VIT: variants seen among roughly 807,000 people sequenced by gnomAD.
VIT encodes vitrin.
In VIT, 99 loss-of-function variants were observed where a neutral mutation model predicts 78.0. The ratio of observed to expected loss-of-function variants is 1.27; its 90% CI spans 1.08 to 1.50. VIT has a LOEUF of 1.50. Among genes scored for constraint, VIT ranks in the 40% most tolerant of loss-of-function variants. The pLI is 0.00. For missense variants in VIT, 1,126 were observed against 875.3 expected (o/e 1.29, Z -3.61); for synonymous variants, 374 against 334.3 (o/e 1.12, Z -1.29).
At chr2:36,805,309 A>AAAAG in intron 13 of VIT, 129 bp from the exon 14 acceptor site, 1 of 389,938 alleles carries the variant, frequency 2.6e-6, no homozygotes, top group African/African-American at 7.0e-5. Flanking sequence ...GTCTCAAAGG[A>AAAAG]AAAAAAAAAA....
chr2:36,763,826 T>C (rs2148576192), intron 6 of VIT, among the ~76,000 whole-genome samples: 1 of 152,214 alleles, frequency 6.6e-6, no homozygotes, highest in African/African-American at 2.4e-5. Context: ...TGACCTCAAG[T>C]GATCCACCCA....
At chr2:36,697,873 G>C (rs769180992) in intron 1 of VIT, among the ~76,000 whole-genome samples, 1 of 152,222 alleles carries the variant, frequency 6.6e-6, no homozygotes, top group Non-Finnish European at 1.5e-5. Context: ...TAAGAAAATA[G>C]TATTTTGCCG....
rs1056968158 is a variant in VIT at position 36,748,843 on chromosome 2, T to C, written c.275+5587T>C. Among the ~76,000 whole-genome samples the C allele has an allele frequency of 2.0e-5, 3 of 152,240 alleles. No individual in the cohort carries two copies. The South Asian group carries it at 6.2e-4, about 32-fold the overall frequency. On this transcript the variant is annotated intron_variant, in intron 4 of 15. Transcript: ENST00000379242. ...TTGCCTCTCTATTGACTTTCAGTGT[T>C]TTCTCTCAAAACGTCTGTTCAAAGT...
At chr2:36,765,008 T>C (rs564054993) in intron 6 of VIT, among the ~76,000 whole-genome samples, 55 of 152,018 alleles carry the variant, frequency 3.6e-4, no homozygotes, top group African/African-American at 1.3e-3. Context: ...AGAGCTGGGA[T>C]GCTGTGGTAG....
chr2:36,806,275 T>C (rs1406381970), intron 14 of VIT, among the ~76,000 whole-genome samples: 1 of 152,226 alleles, frequency 6.6e-6, no homozygotes, highest in Non-Finnish European at 1.5e-5. Context: ...AAGCAAGCCT[T>C]GGACAGGTTT....
Position 36,808,808 on chromosome 2 carries a change from G to T in VIT, c.1726G>T (p.Ala576Ser), listed in dbSNP as rs567232203. The T allele has an allele frequency of 5.0e-6, 8 of 1,614,180 alleles. No individual in the cohort carries two copies. In the East Asian group the frequency reaches 1.6e-4, roughly 31 times the overall value. ...KYSSKPDILN[A>S]IKRVGYWSGG... ...CAGCAGCAAGCCTGACATCCTCAACGCCATCAAGAGGGTGGGCTACTGGAG... is the reference window on the plus strand; with the variant it reads ...CAGCAGCAAGCCTGACATCCTCAACTCCATCAAGAGGGTGGGCTACTGGAG... The change falls in exon 15 of 16, where the codon GCC becomes TCC. Residue 576 changes from alanine (A) to serine (S), a missense_variant. Transcript: ENST00000379242.
intron 9 of VIT, among the ~76,000 whole-genome samples, chr2:36,778,634 C>A (rs185965789): frequency 6.6e-6 from 1 of 152,204 alleles, no homozygotes; most frequent in Admixed American, 6.5e-5. Flanking sequence ...TGATGGCTTA[C>A]GCCCAGGACC....
intron 12 of VIT, among the ~76,000 whole-genome samples, chr2:36,797,245 C>A (rs1225561305): frequency 1.3e-5 from 2 of 152,086 alleles, no homozygotes; most frequent in African/African-American, 2.4e-5. Flanking sequence ...CACAATTAGA[C>A]GTCTTGGAAG....
chr2:36,731,305 C>G (rs187891333), intron 3 of VIT, among the ~76,000 whole-genome samples: 200 of 152,168 alleles, frequency 1.3e-3, no homozygotes, highest in African/African-American at 4.7e-3. Context: ...GATGGAGTCT[C>G]ACTCTGTCGC....
rs575275800 is a variant in VIT at position 36,704,067 on chromosome 2, A to G, written c.-19+7094A>G. Among the ~76,000 whole-genome samples the G allele has an allele frequency of 2.7e-3, 415 of 152,026 alleles. 3 individuals are homozygous for G. Among genetic ancestry groups the G allele is most frequent in the South Asian group, 4.8e-3 (23 of 4,810 alleles). ...CAGCCTCAGGAGTAGCTGGGATTAC[A>G]GGTGCACGCCACCATGCCTGGCTAA... On this transcript the variant is annotated intron_variant, in intron 1 of 15. Transcript: ENST00000379242.
Position 36,708,117 on chromosome 2 carries a change from C to T in VIT, c.-18-8236C>T, listed in dbSNP as rs376609226. On this transcript the variant is annotated intron_variant, in intron 1 of 15. Transcript: ENST00000379242. ...ACCACATTGTAAAGGACCTCCCCCCCCCGCCCACCTAGTGCCAGCTTCCTT... is the reference window on the plus strand; with the variant it reads ...ACCACATTGTAAAGGACCTCCCCCCTCCGCCCACCTAGTGCCAGCTTCCTT... 6.8e-3 allele frequency among the ~76,000 whole-genome samples: 1,010 copies of T among 148,530 alleles called. 10 individuals carry two copies. Among genetic ancestry groups the T allele is most frequent in the African/African-American group, 0.022 (855 of 39,536 alleles).
intron 1 of VIT, among the ~76,000 whole-genome samples, chr2:36,707,356 C>G (rs982285282): frequency 6.6e-6 from 1 of 151,916 alleles, no homozygotes; most frequent in African/African-American, 2.4e-5. Context: ...AGCCAGCAGA[C>G]CCCCAACAAC....
At chr2:36,705,116 G>C (rs1665330795) in intron 1 of VIT, among the ~76,000 whole-genome samples, 1 of 152,194 alleles carries the variant, frequency 6.6e-6, no homozygotes, top group Admixed American at 6.5e-5. Flanking sequence ...TTTGTGATGA[G>C]AGAAACTCAT....
Position 36,795,504 on chromosome 2 carries a change from C to T in VIT, c.1059-5797C>T, listed in dbSNP as rs185963956. 6.6e-5 allele frequency among the ~76,000 whole-genome samples: 10 copies of T among 152,004 alleles called. No homozygotes were observed. The East Asian group carries it at 1.9e-3, about 29-fold the overall frequency. ...CTCAGCTCACTGCAACCTCCGCCTC[C>T]CGGGTTCAAGCGATTCTCCTGTCTC... On this transcript the variant is annotated intron_variant, in intron 12 of 15. Coordinates refer to ENST00000379242, the MANE Select transcript of VIT (RefSeq NM_053276.4).
intron 4 of VIT, among the ~76,000 whole-genome samples, chr2:36,744,964 C>A (rs1436803017): frequency 6.6e-6 from 1 of 152,102 alleles, no homozygotes; most frequent in African/African-American, 2.4e-5. Context: ...ACATGTAAGT[C>A]TTTAATCCAT....
At chr2:36,724,394 C>T (rs558786236) in intron 2 of VIT, among the ~76,000 whole-genome samples, 40 of 152,302 alleles carry the variant, frequency 2.6e-4, no homozygotes, top group Non-Finnish European at 4.6e-4. Context: ...GACCTGTCTG[C>T]GGCTTTGCAC....
intron 12 of VIT, among the ~76,000 whole-genome samples, chr2:36,792,853 ACTT>A (rs1665601840): frequency 6.6e-6 from 1 of 151,686 alleles, no homozygotes; most frequent in Admixed American, 6.6e-5. Context: ...CCTTCTCTAG[ACTT>A]CTTATTTATT....
chr2:36,741,725 T>C (rs571540916), intron 3 of VIT, among the ~76,000 whole-genome samples: 1 of 152,222 alleles, frequency 6.6e-6, no homozygotes, highest in Non-Finnish European at 1.5e-5. Context: ...GAGGTTTTAT[T>C]CTACTCCTCA....
intron 15 of VIT, among the ~76,000 whole-genome samples, chr2:36,813,746 A>G (rs1021565766): frequency 1.3e-5 from 2 of 152,030 alleles, no homozygotes; most frequent in African/African-American, 4.8e-5. Flanking sequence ...GCTCTCTCAG[A>G]TTTTGCTTGG....
Sources: allele counts gnomAD v4.1 joint callset (sites outside exome capture counted in the v4.1 genomes callset), GRCh38; gene constraint gnomAD v4.1.1; transcripts MANE v1.5; gene names NCBI Gene and HGNC (gene_info 2026-07-23, HGNC 2026-07-21).